KIDINS220: variants seen among roughly 807,000 people sequenced by gnomAD.
KIDINS220 encodes kinase D-interacting substrate of 220 kDa.
KIDINS220 carries 63 observed loss-of-function variants against 157.6 expected under a neutral mutation model. The ratio of observed to expected loss-of-function variants is 0.40; its 90% CI spans 0.33 to 0.49. KIDINS220 has a LOEUF of 0.49. Among genes scored for constraint, KIDINS220 ranks in the 20% least tolerant of loss-of-function variants. The probability of loss-of-function intolerance (pLI) is 0.66; values close to 1 mark genes in which losing one functional copy is unlikely to be tolerated. For synonymous variants in KIDINS220, 732 were observed against 783.6 expected, an observed-to-expected ratio of 0.93 and a Z score of 1.10; for missense variants, 1,772 against 2,171.2, an observed-to-expected ratio of 0.82 and a Z score of 3.65.
At position 8,730,865 on chromosome 2, in the gene KIDINS220, A is replaced by G; in HGVS notation, c.5171T>C (p.Ile1724Thr). 6.2e-7 allele frequency: 1 copy of G among 1,614,176 alleles called. No individual in the cohort carries two copies. The highest frequency in any genetic ancestry group is 8.5e-7 in the Non-Finnish European group (1 of 1,180,032). Residue 1724 changes from isoleucine to threonine, a missense_variant, in exon 30 of 30, where the codon ATT becomes ACT. By Grantham distance (89) the Ile-to-Thr change is moderately conservative. Around this residue, in one of 3 missense-constraint regions of KIDINS220, gnomAD observed 793 missense variants for 885.5 expected, o/e 0.90. Coordinates refer to ENST00000256707, the MANE Select transcript of KIDINS220 (RefSeq NM_020738.4). The part of the protein sequence containing the change: ...RPSSSPNPTT[I>T]QNENLKSMTH... The stretch of plus-strand genomic sequence containing the variant: ...CATGCTTTTTAGATTCTCATTCTGA[A>G]TAGTGGTTGGGTTGGGACTGGAACT...
In KIDINS220 at chr2:8,751,726, TACA is replaced by T. The variant is rs1667389448; in HGVS notation, c.3012-85_3012-83del. On this transcript the variant is annotated intron_variant, in intron 22 of 29. Transcript: ENST00000256707. ...TCTGCATGTCACCTGAAGTTACTTA[TACA>T]ACAATTACACATCTTGGTCTGATGG... 3 of 895,698 alleles carry T rather than the reference TACA, an allele frequency of 3.3e-6. No homozygotes were observed. In the African/African-American group the frequency reaches 5.0e-5, roughly 15 times the overall value. The allele number at this position is 895,698 out of a possible 1,614,324, so 55.5% of individuals were successfully genotyped here.
chr2:8,731,049 G>A lies in KIDINS220; in HGVS notation c.4987C>T (p.Pro1663Ser). 1.2e-6 allele frequency: 2 copies of A among 1,614,144 alleles called. No individual in the cohort carries two copies. The highest frequency in any genetic ancestry group is 1.7e-6 in the Non-Finnish European group (2 of 1,180,024). ...PSECSLIASS[P>S]EENWPACQKA... The stretch of plus-strand genomic sequence containing the variant: ...TGGCATGCAGGCCAGTTTTCTTCAG[G>A]GCTGCTGGCTATCAAGCTGCATTCG... Residue 1663 changes from proline to serine, a missense_variant, in exon 30 of 30, where the codon CCT (proline) becomes TCT (serine). Around this residue, in one of 3 missense-constraint regions of KIDINS220, gnomAD observed 793 missense variants for 885.5 expected, o/e 0.90. Transcript: ENST00000256707. The surrounding 1 kb of genome is among the most constrained non-coding windows in gnomAD (Gnocchi z 5.2).
In KIDINS220 at chr2:8,730,174, T is replaced by C; in HGVS notation, c.*546A>G. The C allele has an allele frequency of 3.0e-6, 3 of 986,312 alleles. No homozygotes were observed. Among genetic ancestry groups the C allele is most frequent in the Non-Finnish European group, 3.6e-6 (3 of 830,684 alleles). 61.1% of individuals were successfully genotyped at this position (986,312 alleles called of 1,614,324 possible). On this transcript the variant is annotated 3_prime_UTR_variant, in exon 30 of 30. Transcript: ENST00000256707. ...CCTCTTCATTATGTACTTCCTACTC[T>C]TCAGAACCTCTGTGATAAGCAATAC...
At chr2:8,829,351 A>T (rs1679283553) in intron 1 of KIDINS220, among the ~76,000 whole-genome samples, 1 of 152,228 alleles carries the variant, frequency 6.6e-6, no homozygotes, top group African/African-American at 2.4e-5. Context: ...GGGAGTATAT[A>T]TTCAGAACAA....
chr2:8,791,264 C>T (rs1313821468), intron 12 of KIDINS220, 40 bp from the exon 13 acceptor site: 3 of 1,522,592 alleles, frequency 2.0e-6, no homozygotes, highest in Admixed American at 1.8e-5. Context: ...TAAACAGTGG[C>T]ATTACTATTA....
rs1663889019 is a variant in KIDINS220, at chr2:8,730,470, C to T, written c.*250G>A. 38 of 1,307,310 alleles carry T rather than the reference C, an allele frequency of 2.9e-5. No homozygotes were observed. Among genetic ancestry groups the T allele is most frequent in the Non-Finnish European group, 3.7e-5 (38 of 1,033,238 alleles). 81.0% of individuals were successfully genotyped at this position (1,307,310 alleles called of 1,614,324 possible). On this transcript the variant is annotated 3_prime_UTR_variant, in exon 30 of 30. Transcript: ENST00000256707. ...TCAAAAAGTTTTATGGGGTAATGCGCCAATGAAAGGTACAGTAGTATTAGT... is the reference window on the plus strand; with the variant it reads ...TCAAAAAGTTTTATGGGGTAATGCGTCAATGAAAGGTACAGTAGTATTAGT...
Position 8,806,360 on chromosome 2 carries a change from T to C in KIDINS220, c.514A>G (p.Thr172Ala), listed in dbSNP as rs886916693. The change falls in exon 7 of 30, where the codon ACC becomes GCC. Residue 172 changes from threonine (T) to alanine (A), a missense_variant. Physicochemically the swap from Thr to Ala is moderately conservative, Grantham distance 58 (BLOSUM62 0). Coordinates refer to ENST00000256707, the MANE Select transcript of KIDINS220 (RefSeq NM_020738.4). Reference protein sequence around the residue: ...KVNCSDKYGTTPLVWAARKGH... With the variant: ...KVNCSDKYGTAPLVWAARKGH... ...TTTCGTGCAGCCCAAACTAAAGGGG[T>C]GGTTCCATACTATTAAAACAAACAA... is the stretch of plus-strand genomic sequence containing the variant. 6.2e-6 allele frequency: 10 copies of C among 1,603,514 alleles called. No homozygotes were observed. In the East Asian group the frequency reaches 2.0e-4, roughly 32 times the overall value.
At chr2:8,768,731 C>T (rs573591787) in intron 22 of KIDINS220, among the ~76,000 whole-genome samples, 183 of 152,200 alleles carry the variant, frequency 1.2e-3, no homozygotes, top group Non-Finnish European at 2.2e-3. Flanking sequence ...AAATGACAAG[C>T]AATAGCATCA....
downstream of KIDINS220, among the ~76,000 whole-genome samples, chr2:8,725,833 T>C (rs1247139432): frequency 6.6e-6 from 1 of 152,200 alleles, no homozygotes; most frequent in Non-Finnish European, 1.5e-5. Flanking sequence ...TTCTAAGAAT[T>C]CAGTTTGATA....
intron 27 of KIDINS220, among the ~76,000 whole-genome samples, chr2:8,735,487 C>T (rs1558311172): frequency 6.6e-6 from 1 of 151,956 alleles, no homozygotes. Flanking sequence ...GAGCCATGGC[C>T]ACGCCACTGC....
intron 21 of KIDINS220, among the ~76,000 whole-genome samples, chr2:8,776,076 T>A (rs139458124): frequency 1.5e-3 from 227 of 152,276 alleles, no homozygotes; most frequent in African/African-American, 5.0e-3. Flanking sequence ...TTAAAGGAAC[T>A]TAAGTACCAA....
chr2:8,748,982 C>T lies in KIDINS220; in HGVS notation c.3415-982G>A, dbSNP rs199860382. Among the ~76,000 whole-genome samples, 13 of 152,132 alleles carry T rather than the reference C, an allele frequency of 8.5e-5. No homozygotes were observed. In the East Asian group the frequency reaches 2.5e-3, roughly 29 times the overall value. On this transcript the variant is annotated intron_variant, in intron 24 of 29. Coordinates refer to ENST00000256707, the MANE Select transcript of KIDINS220 (RefSeq NM_020738.4). The stretch of plus-strand genomic sequence containing the variant: ...TATCAACGGAGCTATTTTATGCAAA[C>T]TTACACAGCAGATTTTAAGACTGGT...
chr2:8,798,238 G>C lies in KIDINS220; in HGVS notation c.963C>G (p.Ile321Met). The change falls in exon 10 of 30, where the codon ATC (isoleucine) becomes ATG (methionine). Residue 321 changes from isoleucine to methionine, a missense_variant. Transcript: ENST00000256707. The stretch of plus-strand genomic sequence containing the variant: ...TTTCAGTGTCAGGATTGCACTGTAA[G>C]ATATCTCTCACCATTGTTGCATTTC... Reference protein sequence around the residue: ...EKGNATMVRDILQCNPDTEIC... With the variant: ...EKGNATMVRDMLQCNPDTEIC... 1 of 1,612,090 alleles carries C rather than the reference G, an allele frequency of 6.2e-7. No individual in the cohort carries two copies.
chr2:8,776,687 A>T, intron 21 of KIDINS220, 61 bp downstream of exon 21: 1 of 1,455,186 alleles, frequency 6.9e-7, no homozygotes, highest in Non-Finnish European at 9.5e-7. Context: ...TTCTGAAATT[A>T]AATGGTTTTG....
chr2:8,787,366 T>C (rs1334852562), intron 15 of KIDINS220, among the ~76,000 whole-genome samples: 1 of 150,322 alleles, frequency 6.7e-6, no homozygotes, highest in African/African-American at 2.4e-5. Context: ...AAAATTTTCA[T>C]CTTTTAATGC....
chr2:8,827,322 T>G (rs1678953595), intron 1 of KIDINS220, among the ~76,000 whole-genome samples, 193 bp from the exon 2 acceptor site: 1 of 152,000 alleles, frequency 6.6e-6, no homozygotes, highest in Non-Finnish European at 1.5e-5. Context: ...CACACTCACC[T>G]CCATCTTAAC....
chr2:8,744,802 A>C (rs12995407), intron 26 of KIDINS220, among the ~76,000 whole-genome samples: 41,796 of 151,910 alleles, frequency 0.28, 5,892 homozygotes, highest in Middle Eastern at 0.34. Context: ...TAGTTTTTCT[A>C]GGCTTCGACA....
intron 6 of KIDINS220, among the ~76,000 whole-genome samples, chr2:8,809,167 C>T (rs1239254165): frequency 1.3e-5 from 2 of 152,014 alleles, no homozygotes; most frequent in African/African-American, 2.4e-5. Flanking sequence ...ATTACAGGCA[C>T]CCACCACCAT....
chr2:8,724,446 C>A (rs1456661136), downstream of KIDINS220: 1 of 152,100 alleles, frequency 6.6e-6, no homozygotes, highest in African/African-American at 2.4e-5. This position sits in a 1 kb window ranked among gnomAD's most constrained non-coding sequence, Gnocchi z 4.6. Context: ...CGGGGTTTCA[C>A]CATGTTGGCT....
Sources: gnomAD v4.1 joint callset for allele counts (sites outside exome capture counted in the v4.1 genomes callset) on GRCh38, gnomAD v4.1.1 for gene constraint, gnomAD v4.1.1 regional missense constraint, Gnocchi (gnomAD v3.1) non-coding constraint, MANE v1.5 for transcripts, NCBI Gene and HGNC (gene_info 2026-07-23, HGNC 2026-07-21) for gene names.